XRCC4: variants seen among roughly 807,000 people sequenced by gnomAD.
XRCC4 encodes the protein DNA repair protein XRCC4.
XRCC4 carries 28 observed loss-of-function variants against 39.1 expected under a neutral mutation model. The ratio of observed to expected loss-of-function variants is 0.72; its 90% confidence interval spans 0.53 to 0.98. The LOEUF (loss-of-function observed/expected upper bound fraction) is 0.98. XRCC4 is among the 50% of genes least tolerant of loss of function. XRCC4 has a pLI of 0.00. For missense variants in XRCC4, 350 were observed against 376.4 expected, an observed-to-expected ratio of 0.93 and a Z score of 0.58; for synonymous variants, 123 against 126.4, an observed-to-expected ratio of 0.97 and a Z score of 0.18.
At chr5:83,283,824 A>C (rs1754636333) in intron 7 of XRCC4, among the ~76,000 whole-genome samples, 1 of 151,982 alleles carries the variant, frequency 6.6e-6, no homozygotes, top group South Asian at 2.1e-4. Context: ...GATCACATTG[A>C]TCTAACCCCC....
intron 7 of XRCC4, among the ~76,000 whole-genome samples, chr5:83,296,712 G>T (rs978386572): frequency 2.0e-5 from 3 of 151,840 alleles, no homozygotes; most frequent in Non-Finnish European, 4.4e-5. Flanking sequence ...TGGCCCTCTG[G>T]AAAGATTAAA....
At chr5:83,323,611 T>C (rs547848220) in intron 7 of XRCC4, among the ~76,000 whole-genome samples, 13 of 152,062 alleles carry the variant, frequency 8.5e-5, no homozygotes, top group African/African-American at 2.9e-4. Flanking sequence ...TTAATACAAA[T>C]TTTTGCTTAG....
Position 83,210,761 on chromosome 5 carries a change from T to A in XRCC4, c.745+5840T>A, listed in dbSNP as rs114064856. On this transcript the variant is annotated intron_variant, in intron 6 of 7. Coordinates refer to ENST00000396027, the MANE Select transcript of XRCC4 (RefSeq NM_003401.5). ...TGAACAAGTAAGACTTCATGGTAGG[T>A]AGCTTGTGGAGAAACTAATAGAATG... Among the ~76,000 whole-genome samples, 215 of 152,292 alleles carry A rather than the reference T, an allele frequency of 1.4e-3. 1 individual carries two copies. Among genetic ancestry groups the A allele is most frequent in the African/African-American group, 4.9e-3 (205 of 41,562 alleles).
the XRCC4 span, among the ~76,000 whole-genome samples, chr5:83,362,924 G>C: frequency 1.3e-5 from 2 of 152,222 alleles, no homozygotes; most frequent in Non-Finnish European, 2.9e-5. Flanking sequence ...ATGTATGTGT[G>C]TTCACCCATT....
intron 7 of XRCC4, among the ~76,000 whole-genome samples, chr5:83,290,567 GTGT>G (rs1754888234): frequency 6.6e-6 from 1 of 151,674 alleles, no homozygotes; most frequent in Non-Finnish European, 1.5e-5. Context: ...GCCCAACCTG[GTGT>G]TGCTTGTCTG....
chr5:83,364,505 C>A, the XRCC4 span, among the ~76,000 whole-genome samples: 2 of 152,144 alleles, frequency 1.3e-5, no homozygotes, highest in African/African-American at 2.4e-5. Context: ...TTTCACTTCC[C>A]TTCCTCTCCT....
chr5:83,092,417 C>T (rs899339080), intron 1 of XRCC4, among the ~76,000 whole-genome samples: 1 of 151,966 alleles, frequency 6.6e-6, no homozygotes, highest in Non-Finnish European at 1.5e-5. Context: ...ATGTCAAATC[C>T]ATTTTAATGT....
At position 83,195,780 on chromosome 5, in the gene XRCC4, G is replaced by C; in HGVS notation, c.326G>C (p.Gly109Ala). 6.3e-7 allele frequency: 1 copy of C among 1,582,450 alleles called. No individual in the cohort carries two copies. Among genetic ancestry groups the C allele is most frequent in the Non-Finnish European group, 8.6e-7 (1 of 1,163,292 alleles). The change falls in exon 4 of 8, where the codon GGT (glycine) becomes GCT (alanine). Residue 109 changes from glycine (G) to alanine (A), a missense_variant. Transcript: ENST00000396027. ...KNLKDVSFRL[G>A]SFNLEKVENP... ...TTTCTTTCATTTTAGTTCAGACTTG[G>C]TTCCTTCAACCTAGAGAAAGTTGAA...
intron 6 of XRCC4, among the ~76,000 whole-genome samples, chr5:83,234,966 A>G (rs1383429986): frequency 6.6e-6 from 1 of 151,564 alleles, no homozygotes; most frequent in African/African-American, 2.4e-5. Flanking sequence ...TATCTATCAC[A>G]TACTTAAACA....
intron 7 of XRCC4, among the ~76,000 whole-genome samples, chr5:83,286,849 A>G (rs573943231): frequency 2.0e-5 from 3 of 152,082 alleles, no homozygotes; most frequent in Middle Eastern, 3.4e-3. Flanking sequence ...CAATAATGCA[A>G]TAACTGACGA....
At chr5:83,239,645 CG>C (rs1752826024) in intron 6 of XRCC4, among the ~76,000 whole-genome samples, 1 of 150,478 alleles carries the variant, frequency 6.6e-6, no homozygotes, top group South Asian at 2.1e-4. Flanking sequence ...CTGGCTAACA[CG>C]GTGAAACCCC....
chr5:83,270,791 A>AT (rs1244703178), intron 7 of XRCC4, among the ~76,000 whole-genome samples: 1 of 14,186 alleles, frequency 7.0e-5, no homozygotes, highest in African/African-American at 1.2e-4. Flanking sequence ...ATATATGTAT[A>AT]TATTTTTTTT....
the XRCC4 span, among the ~76,000 whole-genome samples, chr5:83,365,450 G>A: frequency 2.6e-5 from 4 of 152,174 alleles, no homozygotes; most frequent in East Asian, 3.9e-4. Context: ...TGCTTCACAT[G>A]GTGAGTGTTC....
intron 7 of XRCC4, among the ~76,000 whole-genome samples, chr5:83,343,788 C>T (rs1756833372): frequency 6.6e-6 from 1 of 152,154 alleles, no homozygotes; most frequent in Non-Finnish European, 1.5e-5. Context: ...ACCCAGTTGC[C>T]TTATAGCAAT....
chr5:83,363,446 G>A, the XRCC4 span, among the ~76,000 whole-genome samples: 3 of 152,274 alleles, frequency 2.0e-5, no homozygotes, highest in South Asian at 4.1e-4. Context: ...TTAGATTTGT[G>A]CTTTTGAAAG....
intron 1 of XRCC4, among the ~76,000 whole-genome samples, chr5:83,082,347 T>C (rs1744982339): frequency 6.6e-6 from 1 of 152,188 alleles, no homozygotes; most frequent in South Asian, 2.1e-4. Flanking sequence ...ACTGGTGAAA[T>C]CCAAATAAAG....
intron 7 of XRCC4, among the ~76,000 whole-genome samples, chr5:83,336,614 G>A (rs1756602015): frequency 6.6e-6 from 1 of 152,072 alleles, no homozygotes; most frequent in South Asian, 2.1e-4. Context: ...CCAGATATAA[G>A]AGATTTAAAT....
intron 4 of XRCC4, among the ~76,000 whole-genome samples, chr5:83,200,744 G>A (rs1056176203): frequency 9.2e-5 from 14 of 151,988 alleles, no homozygotes; most frequent in African/African-American, 3.1e-4. Flanking sequence ...TTGTTTATAT[G>A]TTTTCACATA....
intron 7 of XRCC4, among the ~76,000 whole-genome samples, chr5:83,313,715 T>C (rs996427551): frequency 2.0e-5 from 3 of 152,186 alleles, no homozygotes; most frequent in Non-Finnish European, 4.4e-5. Context: ...TCTTTAGATA[T>C]TGACTTGCTT....
Sources: gnomAD v4.1 joint callset for allele counts (sites outside exome capture counted in the v4.1 genomes callset) on GRCh38, gnomAD v4.1.1 for gene constraint, MANE v1.5 for transcripts, NCBI Gene and HGNC (gene_info 2026-07-23, HGNC 2026-07-21) for gene names.